Variants in SETD7 observed in about 807,000 individuals in gnomAD.
SETD7 encodes histone-lysine N-methyltransferase SETD7.
SETD7 carries 16 observed loss-of-function variants against 41.8 expected under a neutral mutation model. The ratio of observed to expected loss-of-function variants is 0.38; its 90% CI spans 0.26 to 0.58. The LOEUF (loss-of-function observed/expected upper bound fraction) is 0.58. Among genes scored for constraint, SETD7 ranks in the 20% least tolerant of loss-of-function variants. SETD7 has a pLI of 0.64. For missense variants in SETD7, 346 were observed against 459.7 expected, an observed-to-expected ratio of 0.75 and a Z score of 2.26; for synonymous variants, 163 against 169.7, an observed-to-expected ratio of 0.96 and a Z score of 0.31.
At chr4:139,533,124 G>A (rs1727533679) in intron 3 of SETD7, 41 bp downstream of exon 3, 1 of 1,520,864 alleles carries the variant, frequency 6.6e-7, no homozygotes, top group Admixed American at 1.7e-5. Flanking sequence ...AAGAGTCACA[G>A]TATGTTACTT....
Position 139,529,175 on chromosome 4 carries a change from T to G in SETD7, c.418A>C (p.Thr140Pro). The change falls in exon 4 of 8, where the codon ACT (threonine) becomes CCT (proline). Residue 140 changes from threonine (T) to proline (P), a missense_variant. Transcript: ENST00000274031. ...VGEVNEDGEMTGEKIAYVYPD... is the reference protein window; with the variant it reads ...VGEVNEDGEMPGEKIAYVYPD... ...TACACATAGGCTATCTTCTCTCCAG[T>G]CATCTCCCCATCTTCATTTACTTCT... The G allele has an allele frequency of 6.2e-7, 1 of 1,613,838 alleles. No homozygotes were observed. The highest frequency in any genetic ancestry group is 8.5e-7 in the Non-Finnish European group (1 of 1,179,942).
At chr4:139,523,063 C>G (rs1459784128) in intron 5 of SETD7, among the ~76,000 whole-genome samples, 2 of 152,136 alleles carry the variant, frequency 1.3e-5, no homozygotes, top group African/African-American at 2.4e-5. Context: ...CTCAACTGCT[C>G]TTTCTACCTG....
chr4:139,544,474 G>A (rs1727878442), intron 2 of SETD7, among the ~76,000 whole-genome samples: 1 of 152,072 alleles, frequency 6.6e-6, no homozygotes, highest in African/African-American at 2.4e-5. Context: ...GCAAATTAAT[G>A]CATTTGTCTG....
intron 3 of SETD7, 59 bp from the exon 4 acceptor site, chr4:139,529,279 C>T: frequency 7.0e-7 from 1 of 1,418,808 alleles, no homozygotes; most frequent in Non-Finnish European, 9.5e-7. Context: ...GGACATGAGT[C>T]CCAAGAAATT....
At chr4:139,521,124 T>C (rs578043433) in intron 5 of SETD7, among the ~76,000 whole-genome samples, 1 of 152,188 alleles carries the variant, frequency 6.6e-6, no homozygotes, top group East Asian at 1.9e-4. Flanking sequence ...TGCCAACCAC[T>C]GGTTTATAAG....
At chr4:139,550,213 T>A (rs1240898647) in intron 1 of SETD7, among the ~76,000 whole-genome samples, 1 of 152,116 alleles carries the variant, frequency 6.6e-6, no homozygotes, top group Non-Finnish European at 1.5e-5. Flanking sequence ...AGGAGCCCTA[T>A]CATCATCTTA....
At chr4:139,499,663 GTACCCTT>G (rs386680094) in intron 7 of SETD7, among the ~76,000 whole-genome samples, 10,631 of 152,068 alleles carry the variant, frequency 0.07, 1,183 homozygotes, top group African/African-American at 0.23. Flanking sequence ...TCCCACCAAA[GTACCCTT>G]AAAAACCCCA....
chr4:139,517,741 T>C, intron 7 of SETD7, 144 bp downstream of exon 7: 1 of 782,906 alleles, frequency 1.3e-6, no homozygotes, highest in Non-Finnish European at 1.9e-6. Flanking sequence ...TTTCAAGTCA[T>C]AACCCTGAGG....
chr4:139,519,189 G>A (rs751032865), intron 6 of SETD7, among the ~76,000 whole-genome samples: 1 of 152,156 alleles, frequency 6.6e-6, no homozygotes, highest in Non-Finnish European at 1.5e-5. Flanking sequence ...GCCATTAGTT[G>A]TGTATTTTTC....
At chr4:139,522,052 CAAT>C (rs1367400534) in intron 5 of SETD7, among the ~76,000 whole-genome samples, 1 of 152,214 alleles carries the variant, frequency 6.6e-6, no homozygotes, top group Non-Finnish European at 1.5e-5. Context: ...CTCATCACAA[CAAT>C]AATAACAGAA....
At chr4:139,503,818 C>A (rs1726640880), downstream of SETD7, among the ~76,000 whole-genome samples, 1 of 152,226 alleles carries the variant, frequency 6.6e-6, no homozygotes, top group South Asian at 2.1e-4. Context: ...CAAACTGGTT[C>A]AGGCCACACA....
At chr4:139,528,588 T>C (rs578087216) in intron 4 of SETD7, among the ~76,000 whole-genome samples, 2 of 152,340 alleles carry the variant, frequency 1.3e-5, no homozygotes, top group African/African-American at 4.8e-5. Context: ...CCATGTGACT[T>C]GCTTTGACCA....
chr4:139,549,993 T>G (rs966207550), intron 1 of SETD7, among the ~76,000 whole-genome samples: 2 of 152,082 alleles, frequency 1.3e-5, no homozygotes, highest in Non-Finnish European at 2.9e-5. Flanking sequence ...TTGGCCAGGC[T>G]GGTCTCGAAC....
At chr4:139,543,039 A>C (rs1031747895) in intron 2 of SETD7, among the ~76,000 whole-genome samples, 1 of 152,156 alleles carries the variant, frequency 6.6e-6, no homozygotes, top group South Asian at 2.1e-4. Flanking sequence ...TTTCAGACAA[A>C]CTCTTTGATG....
At chr4:139,518,730 G>A (rs1402295037) in intron 6 of SETD7, among the ~76,000 whole-genome samples, 3 of 152,156 alleles carry the variant, frequency 2.0e-5, no homozygotes, top group Non-Finnish European at 4.4e-5. Context: ...ATGTACTCTA[G>A]GCAAGTCCTC....
chr4:139,529,223 G>A lies in SETD7; in HGVS notation c.373-3C>T, dbSNP rs1255001901. The A allele has an allele frequency of 2.5e-6, 4 of 1,598,880 alleles. No individual in the cohort carries two copies. The Admixed American group carries it at 7.4e-5, about 30-fold the overall frequency. ...TCTCCTACAAGGCTTCCTCCATCCT[G>A]ATGGGAGAAACCAAAAACCAGAAAA... On this transcript the variant is annotated splice_region_variant and splice_polypyrimidine_tract_variant and intron_variant, in intron 3 of 7. Transcript: ENST00000274031.
intron 1 of SETD7, among the ~76,000 whole-genome samples, chr4:139,551,489 C>T (rs1010295068): frequency 2.0e-5 from 3 of 152,308 alleles, no homozygotes; most frequent in Middle Eastern, 3.4e-3. Flanking sequence ...ATTTTCCCCT[C>T]TAGTTACTTC....
chr4:139,496,188 C>T (rs796942448), exon 8 of SETD7: 13 of 491,446 alleles, frequency 2.6e-5, no homozygotes, highest in African/African-American at 2.4e-4. Context: ...TTTCCCCCCT[C>T]TGGTGACTTT....
At chr4:139,549,724 C>T (rs1728057672) in intron 1 of SETD7, among the ~76,000 whole-genome samples, 1 of 152,074 alleles carries the variant, frequency 6.6e-6, no homozygotes, top group Non-Finnish European at 1.5e-5. Flanking sequence ...TCTGCCTCAG[C>T]CTCCAATGTA....
Sources: allele counts gnomAD v4.1 joint callset (sites outside exome capture counted in the v4.1 genomes callset), GRCh38; gene constraint gnomAD v4.1.1; transcripts MANE v1.5; gene names NCBI Gene and HGNC (gene_info 2026-07-23, HGNC 2026-07-21).